Variants in AGAP3 observed in about 807,000 individuals in gnomAD.
The protein encoded by AGAP3 is arf-GAP with GTPase, ANK repeat and PH domain-containing protein 3.
Under a neutral mutation model 96.9 loss-of-function variants are expected in AGAP3, and 24 were observed. The observed-to-expected ratio is 0.25, with a 90% CI of 0.18 to 0.35. AGAP3 has a LOEUF of 0.35. Among genes scored for constraint, AGAP3 ranks in the 10% least tolerant of loss-of-function variants. The probability of loss-of-function intolerance (pLI) is 1.00; values close to 1 mark genes in which losing one functional copy is unlikely to be tolerated. For synonymous variants in AGAP3, 563 were observed against 536.1 expected, an observed-to-expected ratio of 1.05 and a Z score of -0.69; for missense variants, 876 against 1,254.2, an observed-to-expected ratio of 0.70 and a Z score of 4.55.
intron 11 of AGAP3, 63 bp downstream of exon 11, chr7:151,134,631 A>C: frequency 6.7e-7 from 1 of 1,499,818 alleles, no homozygotes; most frequent in Non-Finnish European, 9.0e-7. Context: ...GCAAGCAGGC[A>C]TTCTGGGCTT....
intron 1 of AGAP3, among the ~76,000 whole-genome samples, chr7:151,101,986 G>A (rs749318): frequency 0.38 from 58,338 of 151,946 alleles, 11,725 homozygotes; most frequent in Non-Finnish European, 0.44. Flanking sequence ...CTTCCCAGGT[G>A]ACCCCAAAAC....
chr7:151,123,524 G>A (rs754070168), intron 8 of AGAP3: 111 of 1,274,274 alleles, frequency 8.7e-5, no homozygotes, highest in Admixed American at 2.1e-4. Flanking sequence ...CCCCGGGCGT[G>A]CTCCTCGCGC....
At chr7:151,120,440 C>T (rs1476556856) in intron 8 of AGAP3, 11 of 672,740 alleles carry the variant, frequency 1.6e-5, no homozygotes, top group Middle Eastern at 2.4e-4. Context: ...CTCTCCTAGG[C>T]CCCTTTAGGG....
At chr7:151,119,873 T>C in intron 7 of AGAP3, 114 bp from the exon 8 acceptor site, 1 of 985,130 alleles carries the variant, frequency 1.0e-6, no homozygotes, top group Non-Finnish European at 1.5e-6. Flanking sequence ...GTGGCCCCTC[T>C]GCTGCCCATG....
At position 151,142,751 on chromosome 7, in the gene AGAP3, C is replaced by T; in HGVS notation, c.2273+117C>T. On this transcript the variant is annotated intron_variant, in intron 16 of 17. Coordinates refer to ENST00000397238, the MANE Select transcript of AGAP3 (RefSeq NM_031946.7). The surrounding 1 kb of genome is among the most constrained non-coding windows in gnomAD (Gnocchi z 7.5). ...AGAAGGGTTAAAACTGTCTGTTGCT[C>T]TGCTTGGCAGTTGGCCCCTTGGGGG... 8.5e-7 allele frequency: 1 copy of T among 1,173,230 alleles called. No homozygotes were observed. The highest frequency in any genetic ancestry group is 1.2e-6 in the Non-Finnish European group (1 of 842,250). 72.7% of individuals were successfully genotyped at this position (1,173,230 alleles called of 1,614,324 possible).
chr7:151,123,778 T>C lies in AGAP3; in HGVS notation c.1129-16T>C. 1.2e-6 allele frequency: 2 copies of C among 1,613,002 alleles called. No homozygotes were observed. Among genetic ancestry groups the C allele is most frequent in the Non-Finnish European group, 1.7e-6 (2 of 1,179,774 alleles). ...ACCCTGGGCCTCTTTAACACGCCTC[T>C]TGTTTTCTCTTCCAGTCTCGGAAGG... On this transcript the variant is annotated splice_polypyrimidine_tract_variant and intron_variant, in intron 8 of 17. Coordinates refer to ENST00000397238, the MANE Select transcript of AGAP3 (RefSeq NM_031946.7).
Position 151,118,212 on chromosome 7 carries a change from G to A in AGAP3, c.709G>A (p.Ala237Thr). 6.2e-7 allele frequency: 1 copy of A among 1,606,274 alleles called. No homozygotes were observed. Among genetic ancestry groups the A allele is most frequent in the South Asian group, 1.1e-5 (1 of 90,740 alleles). Residue 237 changes from alanine (A) to threonine (T), a missense_variant and splice_region_variant, in exon 6 of 18, where the codon GCC becomes ACC. Ala to Thr is a moderately conservative substitution (Grantham distance 58). This residue lies in a region of AGAP3 where 131 missense variants were observed against 304.5 expected (regional missense o/e 0.43). Coordinates refer to ENST00000397238, the MANE Select transcript of AGAP3 (RefSeq NM_031946.7). The surrounding 1 kb of genome is among the most constrained non-coding windows in gnomAD (Gnocchi z 6.1). ...VPMVLVGTQD[A>T]ISAANPRVID... is the part of the protein sequence containing the mutation. Reference sequence around the variant, plus strand: ...TCCCGCCCTCCCACCTCCAACAGATGCCATCAGCGCTGCGAATCCCCGGGT... The same window carrying A: ...TCCCGCCCTCCCACCTCCAACAGATACCATCAGCGCTGCGAATCCCCGGGT...
intron 9 of AGAP3, among the ~76,000 whole-genome samples, chr7:151,127,898 T>C (rs1374193107): frequency 1.3e-5 from 2 of 152,210 alleles, no homozygotes; most frequent in Non-Finnish European, 2.9e-5. Context: ...GTGTCAGCTG[T>C]GGCCCAGGCC....
intron 1 of AGAP3, among the ~76,000 whole-genome samples, chr7:151,099,743 C>T (rs961146167): frequency 2.0e-5 from 3 of 152,224 alleles, no homozygotes; most frequent in African/African-American, 7.2e-5. Flanking sequence ...GGTCAGAGGC[C>T]TCAGTCAGCA....
chr7:151,086,905 G>A lies in AGAP3; in HGVS notation c.164G>A (p.Gly55Asp). 6.8e-7 allele frequency: 1 copy of A among 1,471,138 alleles called. No homozygotes were observed. The highest frequency in any genetic ancestry group is 9.1e-7 in the Non-Finnish European group (1 of 1,103,572). The allele number at this position is 1,471,138 out of a possible 1,614,324, so 91.1% of individuals were successfully genotyped here. The part of the protein sequence containing the change: ...GGGGPSQQLA[G>D]GPPQQFALSN... ...GGCGGCCCCTCGCAGCAGCTGGCCGGCGGGCCCCCCCAGCAGTTCGCGCTC... is the reference window on the plus strand; with the variant it reads ...GGCGGCCCCTCGCAGCAGCTGGCCGACGGGCCCCCCCAGCAGTTCGCGCTC... Residue 55 changes from glycine to aspartate, a missense_variant, in exon 1 of 18, where the codon GGC (glycine) becomes GAC (aspartate). By Grantham distance (94) the Gly-to-Asp change is moderately conservative. Transcript: ENST00000397238.
In AGAP3 at chr7:151,089,241, A is replaced by G. The variant is rs113394200; in HGVS notation, c.331+2169A>G. On this transcript the variant is annotated intron_variant, in intron 1 of 17. Coordinates refer to ENST00000397238, the MANE Select transcript of AGAP3 (RefSeq NM_031946.7). The stretch of plus-strand genomic sequence containing the variant: ...AGAACTCCTCTCCATCTGCCAAACC[A>G]TATTGCTTCTGTCCTGCGAAGCGGT... Among the ~76,000 whole-genome samples, 1,011 of 152,088 alleles carry G rather than the reference A, an allele frequency of 6.6e-3. 6 individuals are homozygous for G. The highest frequency in any genetic ancestry group is 9.2e-3 in the Non-Finnish European group (627 of 68,002).
rs1164455203 is a variant in AGAP3, at chr7:151,101,075, G to A, written c.331+14003G>A. On this transcript the variant is annotated intron_variant, in intron 1 of 17. Coordinates refer to ENST00000397238, the MANE Select transcript of AGAP3 (RefSeq NM_031946.7). ...CCCGCTGGCACGCGTCAATCCTGGC[G>A]TCCGCATCACTCACCACCTCCCTGA... Among the ~76,000 whole-genome samples, 3 of 152,170 alleles carry A rather than the reference G, an allele frequency of 2.0e-5. No homozygotes were observed. The East Asian group carries it at 5.8e-4, about 29-fold the overall frequency.
chr7:151,106,813 C>T (rs538692313), intron 1 of AGAP3, among the ~76,000 whole-genome samples: 42 of 152,194 alleles, frequency 2.8e-4, no homozygotes, highest in Middle Eastern at 6.8e-3. Context: ...TTTTAAACTT[C>T]TGTCCACTAG....
At chr7:151,136,720 G>A (rs968644985) in intron 11 of AGAP3, among the ~76,000 whole-genome samples, 6 of 152,152 alleles carry the variant, frequency 3.9e-5, no homozygotes, top group Non-Finnish European at 7.3e-5. Flanking sequence ...TCGGGGGCTT[G>A]GGGAGGAAGT....
In AGAP3 at chr7:151,140,771, T is replaced by A; in HGVS notation, c.1804+655T>A. 6.6e-6 allele frequency: 1 copy of A among 152,166 alleles called. No individual in the cohort carries two copies. Among genetic ancestry groups the A allele is most frequent in the East Asian group, 1.9e-4 (1 of 5,204 alleles). The allele number at this position is 152,166 out of a possible 1,614,324, so 9.4% of individuals were successfully genotyped here. A position where few individuals can be genotyped will look rare whatever the true frequency, so the allele number is the denominator to read the frequency against. On this transcript the variant is annotated intron_variant, in intron 13 of 17. Transcript: ENST00000397238. The surrounding 1 kb of genome is among the most constrained non-coding windows in gnomAD (Gnocchi z 5.4). ...GACACCTAGCCAACCTGTGACACAG[T>A]GATGCTTAGTACTTACAGCGTGGGG...
rs1173653764 is a variant in AGAP3 at position 151,139,968 on chromosome 7, C to T, written c.1667-11C>T. 1 of 1,542,630 alleles carries T rather than the reference C, an allele frequency of 6.5e-7. No individual in the cohort carries two copies. Among genetic ancestry groups the T allele is most frequent in the South Asian group, 1.2e-5 (1 of 81,310 alleles). ...CTTCTTCCCACACTTCTCCAACTCT[C>T]CCCTCACCAGCCAGTGGCCCAGCTG... On this transcript the variant is annotated splice_polypyrimidine_tract_variant and intron_variant, in intron 12 of 17. Coordinates refer to ENST00000397238, the MANE Select transcript of AGAP3 (RefSeq NM_031946.7). The surrounding 1 kb of genome is among the most constrained non-coding windows in gnomAD (Gnocchi z 4.9).
chr7:151,116,502 A>G (rs1246906886), intron 1 of AGAP3: 2 of 495,610 alleles, frequency 4.0e-6, no homozygotes, highest in Non-Finnish European at 7.2e-6. Context: ...TGGGGGGACA[A>G]TAAACCTGCT....
In AGAP3 at chr7:151,118,258, G is replaced by A; in HGVS notation, c.755G>A (p.Arg252His). Reference sequence around the variant, plus strand: ...CGGGTTATCGACGACAGCAGAGCCCGCAAGCTCTCCACAGATCTGAAGCGG... The same window carrying A: ...CGGGTTATCGACGACAGCAGAGCCCACAAGCTCTCCACAGATCTGAAGCGG... ...NPRVIDDSRA[R>H]KLSTDLKRCT... Residue 252 changes from arginine (R) to histidine (H), a missense_variant, in exon 6 of 18, where the codon CGC becomes CAC. Around this residue, in one of 8 missense-constraint regions of AGAP3, gnomAD observed 131 missense variants for 304.5 expected, o/e 0.43. Coordinates refer to ENST00000397238, the MANE Select transcript of AGAP3 (RefSeq NM_031946.7). The surrounding 1 kb of genome is among the most constrained non-coding windows in gnomAD (Gnocchi z 6.1). 4 of 1,613,072 alleles carry A rather than the reference G, an allele frequency of 2.5e-6. No individual in the cohort carries two copies. Among genetic ancestry groups the A allele is most frequent in the Non-Finnish European group, 3.4e-6 (4 of 1,179,112 alleles).
chr7:151,129,160 TG>T (rs948991461), intron 10 of AGAP3, among the ~76,000 whole-genome samples: 15 of 152,136 alleles, frequency 9.9e-5, no homozygotes, highest in South Asian at 6.2e-4. Flanking sequence ...GTGTCCCAGC[TG>T]GGGGGTGTTG....
Sources: gnomAD v4.1 joint callset for allele counts (sites outside exome capture counted in the v4.1 genomes callset) on GRCh38, gnomAD v4.1.1 for gene constraint, gnomAD v4.1.1 regional missense constraint, Gnocchi (gnomAD v3.1) non-coding constraint, MANE v1.5 for transcripts, NCBI Gene and HGNC (gene_info 2026-07-23, HGNC 2026-07-21) for gene names.